The following RIMS1 variants were observed in gnomAD, a reference collection of about 807,000 sequenced individuals.
RIMS1 encodes the protein regulating synaptic membrane exocytosis 1, also known as regulating synaptic membrane exocytosis protein 1.
RIMS1 carries 83 observed loss-of-function variants against 214.1 expected under a neutral mutation model. That is an observed-to-expected ratio of 0.39 (90% CI 0.32 to 0.47). The LOEUF (loss-of-function observed/expected upper bound fraction) is 0.47. Ranked by LOEUF, RIMS1 falls within the 20% of genes least tolerant of loss-of-function variation. RIMS1 has a pLI of 0.99. For missense variants in RIMS1, 2,050 were observed against 2,161.8 expected (o/e 0.95, Z 1.03); for synonymous variants, 793 against 786.8 (o/e 1.01, Z -0.13).
At chr6:72,051,029 A>G (rs1390761058) in intron 2 of RIMS1, among the ~76,000 whole-genome samples, 1 of 152,140 alleles carries the variant, frequency 6.6e-6, no homozygotes, top group Non-Finnish European at 1.5e-5. Context: ...GAATTATCAA[A>G]TTTCACACTT....
intron 2 of RIMS1, among the ~76,000 whole-genome samples, chr6:72,035,240 A>G (rs1365482149): frequency 2.6e-5 from 4 of 152,186 alleles, no homozygotes; most frequent in South Asian, 4.1e-4. Context: ...AGAATTGCCT[A>G]TTATTACCTT....
chr6:72,376,724 G>A (rs1195136227), intron 29 of RIMS1, among the ~76,000 whole-genome samples: 1 of 150,608 alleles, frequency 6.6e-6, no homozygotes, highest in African/African-American at 2.5e-5. Flanking sequence ...TCCAGCCTGG[G>A]TGACAGAGAG....
At chr6:72,144,882 C>CT (rs1194756462) in intron 4 of RIMS1, among the ~76,000 whole-genome samples, 19 of 149,114 alleles carry the variant, frequency 1.3e-4, no homozygotes, top group Non-Finnish European at 1.8e-4. Context: ...TTTTTTCTTT[C>CT]TTTTTTCTTT....
At chr6:72,312,878 A>G (rs1368904930) in intron 27 of RIMS1, among the ~76,000 whole-genome samples, 1 of 152,226 alleles carries the variant, frequency 6.6e-6, no homozygotes, top group Admixed American at 6.5e-5. Flanking sequence ...GAAGCAGTCT[A>G]TACAGGTCAA....
intron 2 of RIMS1, among the ~76,000 whole-genome samples, chr6:72,084,025 G>A (rs907676773): frequency 1.3e-5 from 2 of 152,166 alleles, no homozygotes; most frequent in Non-Finnish European, 2.9e-5. Context: ...CAACAACAGA[G>A]CAAAGGCAAT....
At chr6:72,278,230 C>T (rs1016290865) in intron 23 of RIMS1, among the ~76,000 whole-genome samples, 1 of 151,868 alleles carries the variant, frequency 6.6e-6, no homozygotes, top group Non-Finnish European at 1.5e-5. Context: ...TTTAGTAGTG[C>T]ATGACTCAAA....
chr6:72,188,138 GC>G (rs1310001347), intron 6 of RIMS1, among the ~76,000 whole-genome samples: 1 of 152,066 alleles, frequency 6.6e-6, no homozygotes, highest in Non-Finnish European at 1.5e-5. Context: ...GTGTGGGTCG[GC>G]CTTTCCCAGT....
chr6:72,347,460 G>A (rs1351992382), intron 29 of RIMS1, among the ~76,000 whole-genome samples: 1 of 151,832 alleles, frequency 6.6e-6, no homozygotes, highest in Non-Finnish European at 1.5e-5. Flanking sequence ...ACTGTTCTTA[G>A]TAGATCACAG....
Position 72,400,793 on chromosome 6 carries a change from G to A in RIMS1, c.*79G>A. ...TGAACCAGATATTTCATGATCGAAA[G>A]CATTGTTGGAGACAGACAATCAACT... On this transcript the variant is annotated 3_prime_UTR_variant, in exon 34 of 34. Coordinates refer to ENST00000521978, the MANE Select transcript of RIMS1 (RefSeq NM_014989.7). 3.4e-6 allele frequency: 4 copies of A among 1,182,614 alleles called. No individual in the cohort carries two copies. Among genetic ancestry groups the A allele is most frequent in the East Asian group, 4.7e-5 (2 of 42,226 alleles). The allele number at this position is 1,182,614 out of a possible 1,614,324, so 73.3% of individuals were successfully genotyped here. A position where few individuals can be genotyped will look rare whatever the true frequency, so the allele number is the denominator to read the frequency against.
chr6:72,376,479 C>G (rs1007434116), intron 29 of RIMS1, among the ~76,000 whole-genome samples: 2 of 152,114 alleles, frequency 1.3e-5, no homozygotes, highest in African/African-American at 2.4e-5. Context: ...AAGGGCTGGG[C>G]TCCGTGGCTC....
chr6:72,286,368 CT>C (rs995515021), intron 24 of RIMS1, among the ~76,000 whole-genome samples: 1 of 152,160 alleles, frequency 6.6e-6, no homozygotes, highest in African/African-American at 2.4e-5. Context: ...AGGCATCTGC[CT>C]TTGCAACTCT....
chr6:72,206,596 G>T (rs1013311359), intron 6 of RIMS1, among the ~76,000 whole-genome samples: 2 of 152,112 alleles, frequency 1.3e-5, no homozygotes, highest in South Asian at 2.1e-4. Flanking sequence ...GCGTCTGGGG[G>T]TAGTAAGAAG....
At chr6:72,297,176 A>C (rs897167602) in intron 26 of RIMS1, among the ~76,000 whole-genome samples, 3 of 151,972 alleles carry the variant, frequency 2.0e-5, no homozygotes, top group Non-Finnish European at 4.4e-5. Context: ...TAAAAAATTC[A>C]GTGAGATCAA....
intron 4 of RIMS1, among the ~76,000 whole-genome samples, chr6:72,178,459 T>A (rs1000946287): frequency 6.6e-5 from 10 of 152,250 alleles, no homozygotes; most frequent in Non-Finnish European, 1.0e-4. Flanking sequence ...TTCTACGATT[T>A]ATTCATCCTG....
At chr6:72,163,356 T>G (rs1265500910) in intron 4 of RIMS1, among the ~76,000 whole-genome samples, 1 of 140,830 alleles carries the variant, frequency 7.1e-6, no homozygotes, top group Non-Finnish European at 1.6e-5. Context: ...CAGAGTAGTT[T>G]GATCATCTGA....
chr6:72,023,042 G>C (rs1045135216), intron 2 of RIMS1, among the ~76,000 whole-genome samples: 2 of 152,086 alleles, frequency 1.3e-5, no homozygotes, highest in Non-Finnish European at 2.9e-5. Flanking sequence ...TCCATCTGTG[G>C]AAACAGTTGA....
intron 6 of RIMS1, among the ~76,000 whole-genome samples, chr6:72,231,614 A>C (rs1445058772): frequency 2.6e-5 from 4 of 151,648 alleles, no homozygotes; most frequent in Non-Finnish European, 5.9e-5. Flanking sequence ...GACTATGTGT[A>C]ATATTTATCC....
intron 28 of RIMS1, among the ~76,000 whole-genome samples, chr6:72,321,555 C>T (rs1208769860): frequency 6.6e-6 from 1 of 152,054 alleles, no homozygotes; most frequent in Non-Finnish European, 1.5e-5. Flanking sequence ...CCATTATCCA[C>T]CCAGTTCCCA....
intron 4 of RIMS1, among the ~76,000 whole-genome samples, chr6:72,165,741 T>G (rs1340237452): frequency 6.6e-6 from 1 of 152,076 alleles, no homozygotes; most frequent in Admixed American, 6.5e-5. Flanking sequence ...CTAGATCTAA[T>G]GAGTAAGGAG....
Sources: allele counts gnomAD v4.1 joint callset (sites outside exome capture counted in the v4.1 genomes callset), GRCh38; gene constraint gnomAD v4.1.1; transcripts MANE v1.5; gene names NCBI Gene and HGNC (gene_info 2026-07-23, HGNC 2026-07-21).